The following PLPPR5 variants were observed in gnomAD, a reference collection of about 807,000 sequenced individuals.
The protein encoded by PLPPR5 is phospholipid phosphatase-related protein type 5.
PLPPR5 carries 16 observed loss-of-function variants against 33.9 expected under a neutral mutation model. The observed-to-expected ratio is 0.47, with a 90% CI of 0.32 to 0.72. PLPPR5 has a LOEUF of 0.72. PLPPR5 is among the 30% of genes least tolerant of loss of function. PLPPR5 has a pLI of 0.03. For synonymous variants in PLPPR5, 163 were observed against 150.3 expected, an observed-to-expected ratio of 1.08 and a Z score of -0.62; for missense variants, 301 against 406.7, an observed-to-expected ratio of 0.74 and a Z score of 2.23.
At chr1:98,933,865 T>C (rs1650078080) in intron 3 of PLPPR5, among the ~76,000 whole-genome samples, 1 of 152,170 alleles carries the variant, frequency 6.6e-6, no homozygotes. Context: ...CGTGAGCAGA[T>C]GTATCTGGCT....
intron 3 of PLPPR5, among the ~76,000 whole-genome samples, chr1:98,938,315 A>G (rs185473840): frequency 6.6e-4 from 100 of 151,336 alleles, no homozygotes; most frequent in Admixed American, 9.3e-4. Context: ...ATAGTATTTT[A>G]TTTGGGAGGC....
At chr1:98,946,226 C>T (rs930695871) in intron 3 of PLPPR5, among the ~76,000 whole-genome samples, 1 of 152,086 alleles carries the variant, frequency 6.6e-6, no homozygotes, top group Non-Finnish European at 1.5e-5. Flanking sequence ...TACTCTCTAC[C>T]AGACCATTTT....
At chr1:98,910,932 T>C (rs1247191133) in intron 5 of PLPPR5, among the ~76,000 whole-genome samples, 1 of 151,554 alleles carries the variant, frequency 6.6e-6, no homozygotes, top group Non-Finnish European at 1.5e-5. Flanking sequence ...AGAAATGATA[T>C]TGAATGAAAC....
intron 1 of PLPPR5, among the ~76,000 whole-genome samples, chr1:98,981,080 T>C (rs1652045852): frequency 6.6e-6 from 1 of 152,080 alleles, no homozygotes; most frequent in South Asian, 2.1e-4. Flanking sequence ...TTGCCCTAGA[T>C]TCCTTAAAAC....
chr1:98,913,340 A>T (rs1490075624), intron 5 of PLPPR5, among the ~76,000 whole-genome samples: 1 of 152,198 alleles, frequency 6.6e-6, no homozygotes, highest in Non-Finnish European at 1.5e-5. Flanking sequence ...TGTTGTCAAG[A>T]TCAGTACATA....
Position 98,956,756 on chromosome 1 carries a change from A to T in PLPPR5, c.238-15T>A, listed in dbSNP as rs201786945. The T allele has an allele frequency of 1.3e-4, 193 of 1,531,872 alleles. 1 individual carries two copies. The highest frequency in any genetic ancestry group is 1.0e-4 in the Non-Finnish European group (116 of 1,140,848). 94.9% of individuals were successfully genotyped at this position (1,531,872 alleles called of 1,614,324 possible). A position where few individuals can be genotyped will look rare whatever the true frequency, so the allele number is the denominator to read the frequency against. Reference sequence around the variant, plus strand: ...CCAACTATTATCTTGAAAGAAAATAAAAGATTAAGGAATATTAGAATTTAA... The same window carrying T: ...CCAACTATTATCTTGAAAGAAAATATAAGATTAAGGAATATTAGAATTTAA... On this transcript the variant is annotated splice_polypyrimidine_tract_variant and intron_variant, in intron 1 of 5. Coordinates refer to ENST00000263177, the MANE Select transcript of PLPPR5 (RefSeq NM_001037317.2).
rs1557679491 is a variant in PLPPR5, at chr1:98,946,827, A to G, written c.621+6243T>C. ...ACTTTGAAGGACGCGTGAAAATATC[A>G]TAACTTTTTTTTAGAAGCGGAAGGT... On this transcript the variant is annotated intron_variant, in intron 3 of 5. Transcript: ENST00000263177. Among the ~76,000 whole-genome samples the G allele has an allele frequency of 3.9e-5, 6 of 152,232 alleles. No homozygotes were observed. The South Asian group carries it at 1.2e-3, about 32-fold the overall frequency.
At chr1:98,950,845 G>A (rs1650757323) in intron 3 of PLPPR5, among the ~76,000 whole-genome samples, 1 of 151,996 alleles carries the variant, frequency 6.6e-6, no homozygotes, top group African/African-American at 2.4e-5. Context: ...CACCACACCT[G>A]GCTGAGGTTT....
At chr1:99,002,099 G>C (rs1470533218) in intron 1 of PLPPR5, among the ~76,000 whole-genome samples, 1 of 152,028 alleles carries the variant, frequency 6.6e-6, no homozygotes, top group African/African-American at 2.4e-5. Flanking sequence ...CAGCGTTCTT[G>C]AGAAGAGTGG....
chr1:98,964,038 T>C (rs896470269), intron 1 of PLPPR5, among the ~76,000 whole-genome samples: 5 of 152,190 alleles, frequency 3.3e-5, no homozygotes, highest in African/African-American at 1.2e-4. Flanking sequence ...GAAGGGGTTC[T>C]TAATTCTGGA....
chr1:98,995,056 G>C (rs1460607845), intron 1 of PLPPR5, among the ~76,000 whole-genome samples: 1 of 152,110 alleles, frequency 6.6e-6, no homozygotes, highest in Non-Finnish European at 1.5e-5. Context: ...CTGCTAGTTA[G>C]AATGTAAATT....
chr1:98,979,314 G>GCTA (rs1452990300), intron 1 of PLPPR5, among the ~76,000 whole-genome samples: 1 of 151,952 alleles, frequency 6.6e-6, no homozygotes, highest in East Asian at 1.9e-4. Context: ...TTTAAGCTCT[G>GCTA]CTACTGTTTT....
chr1:98,921,347 C>T (rs550058788), intron 4 of PLPPR5, among the ~76,000 whole-genome samples: 2 of 152,150 alleles, frequency 1.3e-5, no homozygotes, highest in African/African-American at 2.4e-5. Flanking sequence ...AATGCCTCAT[C>T]TCACAGGTGA....
intron 1 of PLPPR5, among the ~76,000 whole-genome samples, chr1:98,994,210 G>A (rs997518363): frequency 2.0e-5 from 3 of 151,782 alleles, no homozygotes; most frequent in African/African-American, 7.3e-5. Context: ...AAGGAAAGAA[G>A]GGGGAAATGA....
intron 5 of PLPPR5, among the ~76,000 whole-genome samples, chr1:98,910,405 A>C (rs1041275744): frequency 2.6e-5 from 4 of 152,312 alleles, no homozygotes; most frequent in African/African-American, 9.6e-5. Flanking sequence ...TTGGAAATGA[A>C]GTTTAAGTAG....
intron 5 of PLPPR5, among the ~76,000 whole-genome samples, chr1:98,893,671 C>T (rs1441433905): frequency 8.9e-6 from 1 of 112,210 alleles, no homozygotes; most frequent in Non-Finnish European, 1.7e-5. Flanking sequence ...TACAAAGAAA[C>T]TCTGTGGAAT....
chr1:98,913,753 G>A (rs987774610), intron 5 of PLPPR5, among the ~76,000 whole-genome samples: 15 of 152,290 alleles, frequency 9.8e-5, no homozygotes, highest in Admixed American at 7.8e-4. Context: ...ATGTGGAACT[G>A]AACAGGACCG....
chr1:98,942,027 T>C (rs1220500453), intron 3 of PLPPR5, among the ~76,000 whole-genome samples: 1 of 150,188 alleles, frequency 6.7e-6, no homozygotes, highest in African/African-American at 2.4e-5. Context: ...CGTATACATA[T>C]ATATATACAC....
intron 1 of PLPPR5, among the ~76,000 whole-genome samples, chr1:98,965,052 G>A (rs896903800): frequency 1.4e-5 from 2 of 148,092 alleles, no homozygotes; most frequent in Non-Finnish European, 3.0e-5. Flanking sequence ...GGCTTATGCA[G>A]TCCGCCCGCC....
Sources: allele counts gnomAD v4.1 joint callset (sites outside exome capture counted in the v4.1 genomes callset), GRCh38; gene constraint gnomAD v4.1.1; transcripts MANE v1.5; gene names NCBI Gene and HGNC (gene_info 2026-07-23, HGNC 2026-07-21).